Variants in GABPA observed in about 807,000 individuals in gnomAD.
GABPA encodes the protein GA-binding protein alpha chain.
Under a neutral mutation model 59.4 loss-of-function variants are expected in GABPA, and 4 were observed. That is an observed-to-expected ratio of 0.07 (90% CI 0.03 to 0.15). The LOEUF (loss-of-function observed/expected upper bound fraction) is 0.15. Ranked by LOEUF, GABPA falls within the 10% of genes least tolerant of loss-of-function variation. The pLI, the probability that GABPA is intolerant of heterozygous loss-of-function variation, is 1.00. For synonymous variants in GABPA, 164 were observed against 183.1 expected, an observed-to-expected ratio of 0.90 and a Z score of 0.84; for missense variants, 251 against 543.8, an observed-to-expected ratio of 0.46 and a Z score of 5.36.
At position 25,734,991 on chromosome 21, in the gene GABPA, G is replaced by C; in HGVS notation, c.-614G>C. On this transcript the variant is annotated 5_prime_UTR_variant, in exon 1 of 10. Coordinates refer to ENST00000400075, the MANE Select transcript of GABPA (RefSeq NM_002040.4). ...CGTTTCAGTCGGTCGACGCTCACCG[G>C]ACAGGAAGCGTCTCGGAGACAGTCT... 3 of 1,549,860 alleles carry C rather than the reference G, an allele frequency of 1.9e-6. No homozygotes were observed. The highest frequency in any genetic ancestry group is 1.7e-6 in the Non-Finnish European group (2 of 1,147,348).
chr21:25,741,484 G>C (rs2035220125), intron 1 of GABPA, 89 bp from the exon 2 acceptor site: 5 of 532,798 alleles, frequency 9.4e-6, no homozygotes, highest in Non-Finnish European at 1.6e-5. Flanking sequence ...CTTGGCGTTT[G>C]CTTTTTATTT....
In GABPA at chr21:25,770,116, A is replaced by G. The variant is rs1175837395; in HGVS notation, c.*884A>G. ...AATTACCCTGTAGTGCCAGTTTATT[A>G]TGCAAAGCAGCTTATATTCCTTTGT... On this transcript the variant is annotated 3_prime_UTR_variant, in exon 10 of 10. Coordinates refer to ENST00000400075, the MANE Select transcript of GABPA (RefSeq NM_002040.4). The G allele has an allele frequency of 6.6e-6, 1 of 152,582 alleles. No individual in the cohort carries two copies. The highest frequency in any genetic ancestry group is 1.5e-5 in the Non-Finnish European group (1 of 67,986). 9.5% of individuals were successfully genotyped at this position (152,582 alleles called of 1,614,324 possible). A position where few individuals can be genotyped will look rare whatever the true frequency, so the allele number is the denominator to read the frequency against.
intron 1 of GABPA, among the ~76,000 whole-genome samples, chr21:25,737,999 AGCT>A (rs2035124216): frequency 6.6e-6 from 1 of 152,228 alleles, no homozygotes; most frequent in Non-Finnish European, 1.5e-5. Flanking sequence ...TCACCAATAA[AGCT>A]GCCCTGAACA....
rs1568939494 is a variant in GABPA, at chr21:25,741,673, A to G, written c.75A>G (p.Glu25=). 6.2e-7 allele frequency: 1 copy of G among 1,601,866 alleles called. No individual in the cohort carries two copies. Among genetic ancestry groups the G allele is most frequent in the Non-Finnish European group, 8.5e-7 (1 of 1,172,604 alleles). Residue 25 remains glutamate, a splice_region_variant and synonymous_variant, in exon 2 of 10, where the codon GAA becomes GAG. Transcript: ENST00000400075. Reference sequence around the variant, plus strand: ...CAGAGAAAGCAGAGTGCACAGAAGAAAGGTTGGTGTTTCTGAATTTATCAT... The same window carrying G: ...CAGAGAAAGCAGAGTGCACAGAAGAGAGGTTGGTGTTTCTGAATTTATCAT... ...DGTEKAECTE[E]SIVEQTYAPA...
chr21:25,756,608 G>A (rs2035643206), intron 5 of GABPA, among the ~76,000 whole-genome samples: 1 of 152,162 alleles, frequency 6.6e-6, no homozygotes, highest in Non-Finnish European at 1.5e-5. Context: ...CTTCTTGGCT[G>A]CGCTCAGGTT....
rs1454447852 is a variant in GABPA, at chr21:25,735,272, CTG to C, written c.-329_-328del. 2.2e-5 allele frequency: 10 copies of C among 448,588 alleles called. No individual in the cohort carries two copies. The highest frequency in any genetic ancestry group is 3.3e-5 in the Non-Finnish European group (8 of 245,206). The allele number at this position is 448,588 out of a possible 1,614,324, so 27.8% of individuals were successfully genotyped here. A position where few individuals can be genotyped will look rare whatever the true frequency, so the allele number is the denominator to read the frequency against. ...GTATAAAGGTGCAGGGAAAGTGAGA[CTG>C]TGTAAAACAAAGCGGATTGGGGCGT... On this transcript the variant is annotated 5_prime_UTR_variant, in exon 1 of 10. Transcript: ENST00000400075.
At chr21:25,739,973 C>T (rs1374332177) in intron 1 of GABPA, among the ~76,000 whole-genome samples, 1 of 152,156 alleles carries the variant, frequency 6.6e-6, no homozygotes, top group African/African-American at 2.4e-5. Flanking sequence ...TGAGAATAGA[C>T]TGTGAGGGGA....
At chr21:25,747,197 C>T (rs1202787604) in intron 3 of GABPA, among the ~76,000 whole-genome samples, 1 of 152,108 alleles carries the variant, frequency 6.6e-6, no homozygotes, top group East Asian at 1.9e-4. Context: ...GACGAAAAAA[C>T]AAAAAACTTT....
In GABPA at chr21:25,769,190, A is replaced by T; in HGVS notation, c.1323A>T (p.Val441=). The T allele has an allele frequency of 6.2e-7, 1 of 1,606,740 alleles. No individual in the cohort carries two copies. The part of the protein sequence containing the change: ...LHGIAQPVTA[V]ALATASLQTE... ...GAATTGCCCAGCCAGTCACAGCAGTAGCTCTGGCTACTGCTTCTCTGCAAA... is the reference window on the plus strand; with the variant it reads ...GAATTGCCCAGCCAGTCACAGCAGTTGCTCTGGCTACTGCTTCTCTGCAAA... The change falls in exon 10 of 10, where the codon GTA becomes GTT. Residue 441 remains valine, a synonymous_variant. Coordinates refer to ENST00000400075, the MANE Select transcript of GABPA (RefSeq NM_002040.4).
At chr21:25,766,771 C>G (rs1222200959) in intron 9 of GABPA, among the ~76,000 whole-genome samples, 2 of 151,766 alleles carry the variant, frequency 1.3e-5, no homozygotes, top group African/African-American at 2.4e-5. Flanking sequence ...CAGTTGCTCC[C>G]CTAAGCAACT....
intron 7 of GABPA, chr21:25,763,172 G>A (rs1306510256): frequency 5.9e-6 from 3 of 511,926 alleles, no homozygotes; most frequent in African/African-American, 2.0e-5. Context: ...GCATGTTTGG[G>A]TTTGGGTACC....
chr21:25,765,796 TC>T (rs2035877082), intron 9 of GABPA, among the ~76,000 whole-genome samples: 1 of 151,998 alleles, frequency 6.6e-6, no homozygotes, highest in African/African-American at 2.4e-5. Context: ...TACATACAAG[TC>T]CCCTCAAAAT....
At chr21:25,747,685 G>T (rs990641356) in intron 3 of GABPA, among the ~76,000 whole-genome samples, 1 of 152,148 alleles carries the variant, frequency 6.6e-6, no homozygotes, top group Admixed American at 6.5e-5. Context: ...CAAATACCAG[G>T]CTTGAGTTTT....
chr21:25,755,394 C>G (rs1439687345), intron 5 of GABPA, among the ~76,000 whole-genome samples: 1 of 146,184 alleles, frequency 6.8e-6, no homozygotes, highest in East Asian at 2.0e-4. Flanking sequence ...TTTGATGGCA[C>G]CACTATACTC....
chr21:25,753,842 A>G (rs1160608364), intron 5 of GABPA, among the ~76,000 whole-genome samples: 3 of 152,120 alleles, frequency 2.0e-5, no homozygotes, highest in African/African-American at 7.2e-5. Context: ...TTATTTTTAG[A>G]GACAAGGTTG....
chr21:25,737,718 A>G (rs1237184214), intron 1 of GABPA, among the ~76,000 whole-genome samples: 4 of 152,138 alleles, frequency 2.6e-5, no homozygotes, highest in African/African-American at 9.7e-5. Flanking sequence ...GTTTCCAGAA[A>G]ATTTATGTTT....
rs116670501 is a variant in GABPA at position 25,751,946 on chromosome 21, C to T, written c.308-43C>T. The T allele has an allele frequency of 8.2e-4, 1,302 of 1,595,178 alleles. 10 individuals are homozygous for T. The African/African-American group carries it at 0.015, about 18-fold the overall frequency. ...CTAAATTATTTTTTGGTGACTTCTG[C>T]GTTTTCATTTAGATTTACAATTTTT... is the stretch of plus-strand genomic sequence containing the variant. On this transcript the variant is annotated intron_variant, in intron 4 of 9. Transcript: ENST00000400075.
intron 6 of GABPA, among the ~76,000 whole-genome samples, chr21:25,760,837 A>G (rs752264132): frequency 2.0e-5 from 3 of 151,816 alleles, no homozygotes; most frequent in Admixed American, 6.6e-5. Flanking sequence ...CTTTGAAGAG[A>G]TTGGTCTTGG....
chr21:25,766,772 C>G (rs554405005), intron 9 of GABPA, among the ~76,000 whole-genome samples: 3 of 151,962 alleles, frequency 2.0e-5, no homozygotes, highest in African/African-American at 7.2e-5. Flanking sequence ...AGTTGCTCCC[C>G]TAAGCAACTG....
Sources: gnomAD v4.1 joint callset for allele counts (sites outside exome capture counted in the v4.1 genomes callset) on GRCh38, gnomAD v4.1.1 for gene constraint, MANE v1.5 for transcripts, NCBI Gene and HGNC (gene_info 2026-07-23, HGNC 2026-07-21) for gene names.